Variants in ANKRD24 observed in about 807,000 individuals in gnomAD.
ANKRD24 encodes the protein ankyrin repeat domain-containing protein 24.
Under a neutral mutation model 127.8 loss-of-function variants are expected in ANKRD24, and 109 were observed. The observed-to-expected ratio is 0.85, with a 90% CI of 0.73 to 1.00. The LOEUF is 1.00. ANKRD24 is among the 50% of genes least tolerant of loss of function. ANKRD24 has a pLI of 0.00. For synonymous variants in ANKRD24, 743 were observed against 671.1 expected (o/e 1.11, Z -1.66); for missense variants, 1,648 against 1,570.2 (o/e 1.05, Z -0.84).
At position 4,218,048 on chromosome 19, in the gene ANKRD24, C is replaced by A; in HGVS notation, c.2888C>A (p.Ala963Glu). ...GAGCGGGAGCGTGTGTGCAGCGTGG[C>A]GCTCTCGGAGCACGAACGCATCGTG... is the stretch of plus-strand genomic sequence containing the variant. ...ELERERVCSV[A>E]LSEHERIVGT... The change falls in exon 18 of 22, where the codon GCG (alanine) becomes GAG (glutamate). Residue 963 changes from alanine to glutamate, a missense_variant. Ala to Glu is a moderately radical substitution (Grantham distance 107). Transcript: ENST00000318934. 1 of 1,559,778 alleles carries A rather than the reference C, an allele frequency of 6.4e-7. No individual in the cohort carries two copies. Among genetic ancestry groups the A allele is most frequent in the Non-Finnish European group, 8.6e-7 (1 of 1,157,328 alleles).
At chr19:4,202,974 A>T in intron 7 of ANKRD24, 48 bp downstream of exon 7, 1 of 1,492,182 alleles carries the variant, frequency 6.7e-7, no homozygotes, top group East Asian at 2.5e-5. Context: ...AGAGGGTGCT[A>T]GACTTGGGGG....
Position 4,216,946 on chromosome 19 carries a change from G to A in ANKRD24, c.1786G>A (p.Val596Ile), listed in dbSNP as rs778225924. 6.8e-6 allele frequency: 11 copies of A among 1,611,954 alleles called. No individual in the cohort carries two copies. The highest frequency in any genetic ancestry group is 2.2e-5 in the South Asian group (2 of 90,754). The change falls in exon 18 of 22, where the codon GTC becomes ATC. Residue 596 changes from valine (V) to isoleucine (I), a missense_variant. Val to Ile is a conservative substitution (Grantham distance 29). Coordinates refer to ENST00000318934, the MANE Select transcript of ANKRD24 (RefSeq NM_001393985.1). ...GGGAGCTGAGGCCACAGGAGCCAAG[G>A]TCACAGAAACAAAACCCACAGGGGC... is the stretch of plus-strand genomic sequence containing the variant. The part of the protein sequence containing the change: ...ATGAEATGAK[V>I]TETKPTGAEV...
At chr19:4,213,567 TG>T (rs1393985979) in intron 15 of ANKRD24, among the ~76,000 whole-genome samples, 1 of 149,820 alleles carries the variant, frequency 6.7e-6, no homozygotes, top group Non-Finnish European at 1.5e-5. Flanking sequence ...GCGATTCTCC[TG>T]CCTCAGCCTT....
Position 4,217,333 on chromosome 19 carries a change from C to A in ANKRD24, c.2173C>A (p.Leu725Met). 1 of 1,551,776 alleles carries A rather than the reference C, an allele frequency of 6.4e-7. No homozygotes were observed. The highest frequency in any genetic ancestry group is 8.7e-7 in the Non-Finnish European group (1 of 1,147,122). The change falls in exon 18 of 22, where the codon CTG becomes ATG. Residue 725 changes from leucine to methionine, a missense_variant. Physicochemically the swap from Leu to Met is conservative, Grantham distance 15. Coordinates refer to ENST00000318934, the MANE Select transcript of ANKRD24 (RefSeq NM_001393985.1). Reference protein sequence around the residue: ...AEASEKLQVELETRIRGLEEA... With the variant: ...AEASEKLQVEMETRIRGLEEA... ...GGCCTCGGAAAAGCTTCAAGTAGAG[C>A]TGGAGACCAGGATCCGTGGCTTGGA...
intron 21 of ANKRD24, 35 bp from the exon 22 acceptor site, chr19:4,224,393 A>G (rs369894113): frequency 6.5e-5 from 104 of 1,602,884 alleles, no homozygotes; most frequent in Non-Finnish European, 8.5e-5. Context: ...CATGGAGGGT[A>G]TACTCAGGGT....
intron 1 of ANKRD24, among the ~76,000 whole-genome samples, chr19:4,183,910 A>AAAATAAAT (rs143396713): frequency 1.3e-5 from 2 of 151,978 alleles, no homozygotes; most frequent in East Asian, 1.9e-4. Flanking sequence ...CTCCGTCTCA[A>AAAATAAAT]AAATAAATAA....
At chr19:4,216,496 C>T (rs778071336) in intron 17 of ANKRD24, 54 bp from the exon 18 acceptor site, 43 of 1,561,630 alleles carry the variant, frequency 2.8e-5, no homozygotes, top group Non-Finnish European at 3.6e-5. Flanking sequence ...TGCCCTGTGT[C>T]CCCACGGTCA....
chr19:4,196,853 A>G (rs1968773368), intron 2 of ANKRD24, among the ~76,000 whole-genome samples: 1 of 152,212 alleles, frequency 6.6e-6, no homozygotes, highest in African/African-American at 2.4e-5. Context: ...GCCATGGGCC[A>G]GGCACTGGGG....
intron 2 of ANKRD24, among the ~76,000 whole-genome samples, chr19:4,193,197 G>T (rs1193957675): frequency 6.7e-6 from 1 of 148,694 alleles, no homozygotes; most frequent in Non-Finnish European, 1.5e-5. Flanking sequence ...AGCTACTCAG[G>T]AGTCTGAGGC....
chr19:4,205,588 C>T (rs1478535360), intron 7 of ANKRD24, among the ~76,000 whole-genome samples: 1 of 152,180 alleles, frequency 6.6e-6, no homozygotes, highest in African/African-American at 2.4e-5. Context: ...TGGTGCACGC[C>T]TGTAATCCTA....
rs998420286 is a variant in ANKRD24 at position 4,195,058 on chromosome 19, G to GT, written c.37-4620dup. On this transcript the variant is annotated intron_variant, in intron 2 of 21. Coordinates refer to ENST00000318934, the MANE Select transcript of ANKRD24 (RefSeq NM_001393985.1). The surrounding 1 kb of genome is among the most constrained non-coding windows in gnomAD (Gnocchi z 4.2). ...TCTCGGCGTGAGCCACCGCGCCCAG[G>GT]TTTTTGTTTGTTTGTTTGTTTGTTT... Among the ~76,000 whole-genome samples, 5 of 104,522 alleles carry GT rather than the reference G, an allele frequency of 4.8e-5. No homozygotes were observed. Among genetic ancestry groups the GT allele is most frequent in the African/African-American group, 1.8e-4 (5 of 28,362 alleles). The allele number at this position is 104,522 out of a possible 152,430, so 68.6% of individuals were successfully genotyped here. A position where few individuals can be genotyped will look rare whatever the true frequency, so the allele number is the denominator to read the frequency against.
At position 4,186,164 on chromosome 19, in the gene ANKRD24, G is replaced by A; in HGVS notation, c.-36-226G>A. 3 of 1,055,998 alleles carry A rather than the reference G, an allele frequency of 2.8e-6. No homozygotes were observed. In the East Asian group the frequency reaches 1.0e-4, roughly 36 times the overall value. 65.4% of individuals were successfully genotyped at this position (1,055,998 alleles called of 1,614,324 possible). A position where few individuals can be genotyped will look rare whatever the true frequency, so the allele number is the denominator to read the frequency against. On this transcript the variant is annotated intron_variant, in intron 1 of 21. Transcript: ENST00000318934. ...AACTGACCATGAGTTGGTCAAGAAA[G>A]GATCATTTCTGTCACTGTATAGATG...
In ANKRD24 at chr19:4,195,228, A is replaced by T. The variant is rs151212014; in HGVS notation, c.37-4455A>T. Among the ~76,000 whole-genome samples the T allele has an allele frequency of 2.0e-5, 3 of 151,662 alleles. No homozygotes were observed. Among genetic ancestry groups the T allele is most frequent in the South Asian group, 2.1e-4 (1 of 4,790 alleles). On this transcript the variant is annotated intron_variant, in intron 2 of 21. Transcript: ENST00000318934. The surrounding 1 kb of genome is among the most constrained non-coding windows in gnomAD (Gnocchi z 4.2). Reference sequence around the variant, plus strand: ...GCTGGGACTACAGGCGCCCACCACCACGCCCGGCTAATTTTTTGTATTTTT... The same window carrying T: ...GCTGGGACTACAGGCGCCCACCACCTCGCCCGGCTAATTTTTTGTATTTTT...
In ANKRD24 at chr19:4,218,149, G is replaced by T. The variant is rs1195801120; in HGVS notation, c.2989G>T (p.Ala997Ser). Reference sequence around the variant, plus strand: ...GGGACGGCGGCATGAGAAGACCAGCGCAGAGGTCTTCCAGGTGAGCAGGGC... The same window carrying T: ...GGGACGGCGGCATGAGAAGACCAGCTCAGAGGTCTTCCAGGTGAGCAGGGC... ...ELGRRHEKTS[A>S]EVFQVQREAL... Residue 997 changes from alanine (A) to serine (S), a missense_variant, in exon 18 of 22, where the codon GCA becomes TCA. Coordinates refer to ENST00000318934, the MANE Select transcript of ANKRD24 (RefSeq NM_001393985.1). The T allele has an allele frequency of 2.0e-6, 3 of 1,513,346 alleles. No individual in the cohort carries two copies. The highest frequency in any genetic ancestry group is 2.7e-6 in the Non-Finnish European group (3 of 1,130,486). 93.7% of individuals were successfully genotyped at this position (1,513,346 alleles called of 1,614,324 possible).
At chr19:4,218,213 C>T in intron 18 of ANKRD24, 50 bp downstream of exon 18, 3 of 1,398,436 alleles carry the variant, frequency 2.1e-6, no homozygotes, top group South Asian at 1.6e-5. Flanking sequence ...GGCCACGTGG[C>T]GGCCTGTTTT....
At chr19:4,194,061 T>A (rs1261271565) in intron 2 of ANKRD24, among the ~76,000 whole-genome samples, 1 of 151,298 alleles carries the variant, frequency 6.6e-6, no homozygotes, top group Non-Finnish European at 1.5e-5. Flanking sequence ...TGTCTACACT[T>A]TTTTCTTCAT....
rs1490678477 is a variant in ANKRD24, at chr19:4,195,927, C to A, written c.37-3756C>A. 2.0e-5 allele frequency among the ~76,000 whole-genome samples: 3 copies of A among 152,164 alleles called. No individual in the cohort carries two copies. Among genetic ancestry groups the A allele is most frequent in the African/African-American group, 7.2e-5 (3 of 41,432 alleles). On this transcript the variant is annotated intron_variant, in intron 2 of 21. Coordinates refer to ENST00000318934, the MANE Select transcript of ANKRD24 (RefSeq NM_001393985.1). This position sits in a 1 kb window ranked among gnomAD's most constrained non-coding sequence, Gnocchi z 4.2. ...AAAAGTAAAAGTCTAAGAATAATCACGGACCACACCGACGTGTAAATGCTC... is the reference window on the plus strand; with the variant it reads ...AAAAGTAAAAGTCTAAGAATAATCAAGGACCACACCGACGTGTAAATGCTC...
Position 4,218,165 on chromosome 19 carries a change from T to C in ANKRD24, c.3003+2T>C. On this transcript the variant is annotated splice_donor_variant, in intron 18 of 21. Transcript: ENST00000318934. LOFTEE classifies it high-confidence loss of function. ...AAGACCAGCGCAGAGGTCTTCCAGGTGAGCAGGGCTGGTCACCACCCGGGC... is the reference window on the plus strand; with the variant it reads ...AAGACCAGCGCAGAGGTCTTCCAGGCGAGCAGGGCTGGTCACCACCCGGGC... 1 of 1,477,348 alleles carries C rather than the reference T, an allele frequency of 6.8e-7. No homozygotes were observed. The highest frequency in any genetic ancestry group is 9.0e-7 in the Non-Finnish European group (1 of 1,112,178). The allele number at this position is 1,477,348 out of a possible 1,614,324, so 91.5% of individuals were successfully genotyped here.
intron 15 of ANKRD24, among the ~76,000 whole-genome samples, chr19:4,214,795 A>G: frequency 6.6e-6 from 1 of 152,294 alleles, no homozygotes; most frequent in Admixed American, 6.5e-5. Flanking sequence ...CGGAGGTTGC[A>G]GTGAGCCAAG....
Sources: gnomAD v4.1 joint callset for allele counts (sites outside exome capture counted in the v4.1 genomes callset) on GRCh38, gnomAD v4.1.1 for gene constraint, Gnocchi (gnomAD v3.1) non-coding constraint, MANE v1.5 for transcripts, NCBI Gene and HGNC (gene_info 2026-07-23, HGNC 2026-07-21) for gene names.